Variants in ZNF385D observed in about 807,000 individuals in gnomAD.
ZNF385D encodes zinc finger protein 659.
In ZNF385D, 15 loss-of-function variants were observed where a neutral mutation model predicts 35.8. That is an observed-to-expected ratio of 0.42 (90% CI 0.28 to 0.64). The LOEUF (loss-of-function observed/expected upper bound fraction) is 0.64, where lower values mean the gene tolerates loss of function less well. Among genes scored for constraint, ZNF385D ranks in the 30% least tolerant of loss-of-function variants. The pLI is 0.23. For missense variants in ZNF385D, 474 were observed against 494.6 expected (o/e 0.96, Z 0.39); for synonymous variants, 212 against 186.8 (o/e 1.13, Z -1.10).
intron 1 of ZNF385D, among the ~76,000 whole-genome samples, chr3:21,678,488 T>C (rs984015240): frequency 6.6e-6 from 1 of 152,100 alleles, no homozygotes; most frequent in Non-Finnish European, 1.5e-5. Context: ...ACCTAATCAC[T>C]GTAAACCCAA....
At chr3:22,306,427 T>C (rs1387400677) in intron 2 of ZNF385D, among the ~76,000 whole-genome samples, 18 of 152,164 alleles carry the variant, frequency 1.2e-4, no homozygotes, top group African/African-American at 4.3e-4. Context: ...GATATTCTTA[T>C]TTACTGAAGC....
intron 3 of ZNF385D, among the ~76,000 whole-genome samples, chr3:22,121,019 G>A (rs1576354140): frequency 6.6e-6 from 1 of 152,072 alleles, no homozygotes; most frequent in African/African-American, 2.4e-5. Context: ...ACATAGAAAT[G>A]CAAAGTTGCT....
chr3:21,901,458 G>A (rs915363859), intron 3 of ZNF385D, among the ~76,000 whole-genome samples: 1 of 152,112 alleles, frequency 6.6e-6, no homozygotes, highest in Non-Finnish European at 1.5e-5. Flanking sequence ...TACACATTAG[G>A]CAATAATGTA....
At chr3:21,964,916 C>T (rs1319522815) in intron 3 of ZNF385D, among the ~76,000 whole-genome samples, 1 of 152,112 alleles carries the variant, frequency 6.6e-6, no homozygotes, top group Non-Finnish European at 1.5e-5. Context: ...TCAGAAGCTA[C>T]TGAACATAGG....
intron 2 of ZNF385D, among the ~76,000 whole-genome samples, chr3:22,181,424 C>G (rs1203977291): frequency 6.6e-6 from 1 of 152,002 alleles, no homozygotes; most frequent in Non-Finnish European, 1.5e-5. Context: ...TGGCCGGGCG[C>G]GGTGTCTCAA....
intron 2 of ZNF385D, among the ~76,000 whole-genome samples, chr3:22,242,316 A>T (rs373953730): frequency 6.6e-6 from 1 of 151,246 alleles, no homozygotes; most frequent in African/African-American, 2.4e-5. Flanking sequence ...GATGGAAACC[A>T]TAACAATTTA....
At chr3:22,328,137 T>C (rs4498064) in intron 2 of ZNF385D, among the ~76,000 whole-genome samples, 36,539 of 152,100 alleles carry the variant, frequency 0.24, 4,966 homozygotes, top group Non-Finnish European at 0.31. Flanking sequence ...TTACATACAG[T>C]GAGATTACTG....
intron 3 of ZNF385D, among the ~76,000 whole-genome samples, chr3:21,886,888 G>A (rs2125874168): frequency 6.6e-6 from 1 of 152,110 alleles, no homozygotes; most frequent in African/African-American, 2.4e-5. Context: ...TGCCCCCGTG[G>A]GTCCCCTCCC....
intron 3 of ZNF385D, among the ~76,000 whole-genome samples, chr3:21,891,170 T>C (rs1027075777): frequency 4.6e-5 from 7 of 152,168 alleles, no homozygotes; most frequent in Non-Finnish European, 1.0e-4. Flanking sequence ...TATCTAATTA[T>C]TGCTTGACAC....
chr3:21,878,450 G>A (rs1418892839), intron 3 of ZNF385D, among the ~76,000 whole-genome samples: 4 of 151,992 alleles, frequency 2.6e-5, no homozygotes, highest in African/African-American at 9.7e-5. Flanking sequence ...AGAAAAATTA[G>A]TATTGTTTTG....
At chr3:22,025,380 G>C (rs1446441274) in intron 3 of ZNF385D, among the ~76,000 whole-genome samples, 1 of 152,094 alleles carries the variant, frequency 6.6e-6, no homozygotes. Flanking sequence ...GTCCCTAGAG[G>C]TGACGTTGAG....
At chr3:21,803,798 C>T (rs1949309) in intron 3 of ZNF385D, among the ~76,000 whole-genome samples, 72,769 of 151,980 alleles carry the variant, frequency 0.48, 17,930 homozygotes, top group African/African-American at 0.53. Context: ...TTCAAGGAAC[C>T]ATTTGTTCCA....
At chr3:21,703,657 CCT>C (rs1280364147) in intron 1 of ZNF385D, among the ~76,000 whole-genome samples, 1 of 95,154 alleles carries the variant, frequency 1.1e-5, no homozygotes, top group Non-Finnish European at 2.5e-5. Context: ...TGCTCTTTAT[CCT>C]CTTACAAAAA....
intron 1 of ZNF385D, among the ~76,000 whole-genome samples, chr3:21,668,406 C>T (rs986096065): frequency 3.9e-5 from 6 of 152,144 alleles, no homozygotes; most frequent in Admixed American, 3.3e-4. Context: ...CATCACAGTC[C>T]AGCTCCTTCC....
intron 4 of ZNF385D, among the ~76,000 whole-genome samples, chr3:21,476,649 T>C (rs1187889608): frequency 6.6e-6 from 1 of 152,094 alleles, no homozygotes. Context: ...GAGGTAAGAG[T>C]GGCTCTTCTT....
intron 3 of ZNF385D, among the ~76,000 whole-genome samples, chr3:21,891,049 T>C (rs1698832689): frequency 6.6e-6 from 1 of 152,310 alleles, no homozygotes; most frequent in South Asian, 2.1e-4. Flanking sequence ...ACAATAGTTG[T>C]ACAGCAAATT....
At chr3:21,718,127 G>T (rs898663655) in intron 1 of ZNF385D, among the ~76,000 whole-genome samples, 1 of 152,172 alleles carries the variant, frequency 6.6e-6, no homozygotes, top group Non-Finnish European at 1.5e-5. Flanking sequence ...AGTGAACAGG[G>T]TTGCTTGGCA....
intron 3 of ZNF385D, among the ~76,000 whole-genome samples, chr3:21,814,279 A>T (rs1322639827): frequency 6.6e-6 from 1 of 152,208 alleles, no homozygotes; most frequent in Non-Finnish European, 1.5e-5. Context: ...TGTTAGGAAG[A>T]AACTGCATCA....
At chr3:22,095,864 A>G (rs1701595001) in intron 3 of ZNF385D, among the ~76,000 whole-genome samples, 1 of 151,780 alleles carries the variant, frequency 6.6e-6, no homozygotes, top group Non-Finnish European at 1.5e-5. Flanking sequence ...ACATATATAT[A>G]TATACTATGC....
Sources: gnomAD v4.1 joint callset for allele counts (sites outside exome capture counted in the v4.1 genomes callset) on GRCh38, gnomAD v4.1.1 for gene constraint, MANE v1.5 for transcripts, NCBI Gene and HGNC (gene_info 2026-07-23, HGNC 2026-07-21) for gene names.